B4GALNT4: variants seen among roughly 807,000 people sequenced by gnomAD.
B4GALNT4 encodes the protein beta-1,4-N-acetyl-galactosaminyltransferase 4.
In B4GALNT4, 77 loss-of-function variants were observed where a neutral mutation model predicts 110.0. The ratio of observed to expected loss-of-function variants is 0.70; its 90% CI spans 0.58 to 0.85. The LOEUF (loss-of-function observed/expected upper bound fraction) is 0.85. Ranked by LOEUF, B4GALNT4 falls within the 40% of genes least tolerant of loss-of-function variation. The pLI, the probability that B4GALNT4 is intolerant of heterozygous loss-of-function variation, is 0.00. For synonymous variants in B4GALNT4, 785 were observed against 655.5 expected, an observed-to-expected ratio of 1.20 and a Z score of -3.02; for missense variants, 1,575 against 1,506.0, an observed-to-expected ratio of 1.05 and a Z score of -0.76.
chr11:373,176 A>G lies in B4GALNT4; in HGVS notation c.536-15A>G. The G allele has an allele frequency of 6.2e-7, 1 of 1,612,270 alleles. No homozygotes were observed. The highest frequency in any genetic ancestry group is 8.5e-7 in the Non-Finnish European group (1 of 1,179,674). ...CGTGAGGCTCCACCCCCCTGAGCCT[A>G]GTCTTGTGGACTAGGAGACGTCCAG... On this transcript the variant is annotated splice_polypyrimidine_tract_variant and intron_variant, in intron 5 of 19. Coordinates refer to ENST00000329962, the MANE Select transcript of B4GALNT4 (RefSeq NM_178537.5).
chr11:380,439 C>T lies in B4GALNT4; in HGVS notation c.2863C>T (p.Pro955Ser), dbSNP rs1327683324. The change falls in exon 18 of 20, where the codon CCC becomes TCC. Residue 955 changes from proline (P) to serine (S), a missense_variant. Physicochemically the swap from Pro to Ser is moderately conservative, Grantham distance 74. Coordinates refer to ENST00000329962, the MANE Select transcript of B4GALNT4 (RefSeq NM_178537.5). ...GAGCTGCGGGAGCTCGCCCCGGGAC[C>T]CCCACGGTGAGGCCCCGAGCGTCCC... Reference protein sequence around the residue: ...RLSCGSSPRDPHGYWEVNGFG... With the variant: ...RLSCGSSPRDSHGYWEVNGFG... 6.3e-7 allele frequency: 1 copy of T among 1,598,810 alleles called. No individual in the cohort carries two copies. The highest frequency in any genetic ancestry group is 1.3e-5 in the African/African-American group (1 of 74,392).
In B4GALNT4 at chr11:373,419, C is replaced by CGCCGCCA. The variant is rs10624593; in HGVS notation, c.637-30_637-29insGCCGCCA. On this transcript the variant is annotated intron_variant, in intron 6 of 19. Coordinates refer to ENST00000329962, the MANE Select transcript of B4GALNT4 (RefSeq NM_178537.5). ...CAGGGAGAGAGTGAACCCCCCCCCC[C>CGCCGCCA]ACCACCACCCCTGCTCTATCACCCC... The CGCCGCCA allele has an allele frequency of 6.0e-5, 65 of 1,084,274 alleles. 4 individuals are homozygous for CGCCGCCA. Among genetic ancestry groups the CGCCGCCA allele is most frequent in the African/African-American group, 2.6e-4 (12 of 46,266 alleles). The allele number at this position is 1,084,274 out of a possible 1,614,324, so 67.2% of individuals were successfully genotyped here.
Position 376,767 on chromosome 11 carries a change from G to A in B4GALNT4, c.1644G>A (p.Pro548=). 3 of 1,385,150 alleles carry A rather than the reference G, an allele frequency of 2.2e-6. No homozygotes were observed. The highest frequency in any genetic ancestry group is 1.5e-5 in the South Asian group (1 of 67,378). 85.8% of individuals were successfully genotyped at this position (1,385,150 alleles called of 1,614,324 possible). A position where few individuals can be genotyped will look rare whatever the true frequency, so the allele number is the denominator to read the frequency against. The change falls in exon 14 of 20, where the codon CCG becomes CCA. Residue 548 remains proline (P), a synonymous_variant. Coordinates refer to ENST00000329962, the MANE Select transcript of B4GALNT4 (RefSeq NM_178537.5). ...PRAPAPRAPW[P]PFPGVFLHPR... The stretch of plus-strand genomic sequence containing the variant: ...CCCCAGCGCCGCGTGCGCCCTGGCC[G>A]CCCTTCCCTGGCGTCTTCCTGCACC...
rs1339593788 is a variant in B4GALNT4, at chr11:377,105, C to T, written c.1982C>T (p.Ser661Leu). The T allele has an allele frequency of 6.1e-6, 9 of 1,475,552 alleles. No individual in the cohort carries two copies. Among genetic ancestry groups the T allele is most frequent in the East Asian group, 2.7e-5 (1 of 37,402 alleles). The allele number at this position is 1,475,552 out of a possible 1,614,324, so 91.4% of individuals were successfully genotyped here. ...GGGGCCCCGGGCGACGAGGCCGCGT[C>T]GGAGGACAGCGAGGAGGCCGCGGGC... is the stretch of plus-strand genomic sequence containing the variant. Reference protein sequence around the residue: ...DDGAPGDEAASEDSEEAAGPA... With the variant: ...DDGAPGDEAALEDSEEAAGPA... The change falls in exon 14 of 20, where the codon TCG (serine) becomes TTG (leucine). Residue 661 changes from serine (S) to leucine (L), a missense_variant. Physicochemically the swap from Ser to Leu is moderately radical, Grantham distance 145. Transcript: ENST00000329962.
intron 8 of B4GALNT4, among the ~76,000 whole-genome samples, chr11:374,422 G>A (rs1023473697): frequency 2.6e-5 from 4 of 151,162 alleles, no homozygotes; most frequent in Non-Finnish European, 5.9e-5. Context: ...GGGGCAGCAC[G>A]ATGGTGCCTG....
At chr11:373,409 C>CG (rs764884791) in intron 6 of B4GALNT4, 40 bp from the exon 7 acceptor site, 44 of 70,904 alleles carry the variant, frequency 6.2e-4, no homozygotes, top group African/African-American at 3.1e-3. Flanking sequence ...AGAGAGTGAA[C>CG]CCCCCCCCCC....
In B4GALNT4 at chr11:379,591, G is replaced by C. The variant is rs778932374; in HGVS notation, c.2378G>C (p.Ser793Thr). ...GARVGDADGESPEPAPAASVR... is the reference protein window; with the variant it reads ...GARVGDADGETPEPAPAASVR... The stretch of plus-strand genomic sequence containing the variant: ...CGCGTAGGGGATGCAGACGGAGAAA[G>C]TCCCGAACCCGCTCCCGCCGCCTCC... The change falls in exon 15 of 20, where the codon AGT becomes ACT. Residue 793 changes from serine (S) to threonine (T), a missense_variant. By Grantham distance (58) the Ser-to-Thr change is moderately conservative. Transcript: ENST00000329962. 1.3e-6 allele frequency: 2 copies of C among 1,578,174 alleles called. No individual in the cohort carries two copies. The highest frequency in any genetic ancestry group is 1.7e-6 in the Non-Finnish European group (2 of 1,163,954).
chr11:375,847 C>T lies in B4GALNT4; in HGVS notation c.986C>T (p.Thr329Ile). ...RPDPRDTFFLTPRMESSSLEN... is the reference protein window; with the variant it reads ...RPDPRDTFFLIPRMESSSLEN... ...CACCCTGTGACCGCACCTCCTGCAGCTCCACGCATGGAATCTTCGAGCCTG... is the reference window on the plus strand; with the variant it reads ...CACCCTGTGACCGCACCTCCTGCAGTTCCACGCATGGAATCTTCGAGCCTG... The change falls in exon 11 of 20, where the codon ACT becomes ATT. Residue 329 changes from threonine (T) to isoleucine (I), a missense_variant and splice_region_variant. By Grantham distance (89) the Thr-to-Ile change is moderately conservative. Transcript: ENST00000329962. 2 of 1,609,122 alleles carry T rather than the reference C, an allele frequency of 1.2e-6. No homozygotes were observed. Among genetic ancestry groups the T allele is most frequent in the East Asian group, 2.2e-5 (1 of 44,704 alleles).
rs149848721 is a variant in B4GALNT4 at position 375,721 on chromosome 11, G to A, written c.933G>A (p.Glu311=). 4 of 1,595,902 alleles carry A rather than the reference G, an allele frequency of 2.5e-6. No homozygotes were observed. The African/African-American group carries it at 4.0e-5, about 16-fold the overall frequency. The change falls in exon 10 of 20, where the codon GAG becomes GAA. Residue 311 remains glutamate, a synonymous_variant. Transcript: ENST00000329962. ...ASHVGGRPPQ[E]ETSADMLRPD... is the part of the protein sequence containing the mutation. ...ACGTGGGGGGGCGTCCGCCGCAGGA[G>A]GAGACCAGCGCAGACATGCTGCGGC...
In B4GALNT4 at chr11:380,444, C is replaced by G. The variant is rs767133849; in HGVS notation, c.2868C>G (p.His956Gln). 1.3e-6 allele frequency: 2 copies of G among 1,594,774 alleles called. No homozygotes were observed. Among genetic ancestry groups the G allele is most frequent in the African/African-American group, 2.7e-5 (2 of 74,230 alleles). Residue 956 changes from histidine (H) to glutamine (Q), a missense_variant and splice_region_variant, in exon 18 of 20, where the codon CAC becomes CAG. By Grantham distance (24) the His-to-Gln change is conservative (BLOSUM62 0). Transcript: ENST00000329962. Reference protein sequence around the residue: ...LSCGSSPRDPHGYWEVNGFGL... With the variant: ...LSCGSSPRDPQGYWEVNGFGL... ...GCGGGAGCTCGCCCCGGGACCCCCA[C>G]GGTGAGGCCCCGAGCGTCCCACCCT...
In B4GALNT4 at chr11:379,967, G is replaced by T; in HGVS notation, c.2590G>T (p.Glu864Ter). The change falls in exon 16 of 20, where the codon GAG (glutamate) becomes TAG (stop). Residue 864 changes from glutamate to a stop codon, truncating the protein, a stop_gained. Transcript: ENST00000329962. LOFTEE classifies it high-confidence loss of function. ...SRFSVVLVDF[E>*]SEDMDVERAL... Reference sequence around the variant, plus strand: ...TTTCAGCGTCGTCCTGGTGGATTTCGAGAGCGAGGATATGGACGTGGAGCG... The same window carrying T: ...TTTCAGCGTCGTCCTGGTGGATTTCTAGAGCGAGGATATGGACGTGGAGCG... 6.2e-7 allele frequency: 1 copy of T among 1,612,848 alleles called. No individual in the cohort carries two copies. Among genetic ancestry groups the T allele is most frequent in the Non-Finnish European group, 8.5e-7 (1 of 1,179,870 alleles).
intron 19 of B4GALNT4, chr11:381,228 T>C: frequency 1.3e-6 from 1 of 789,326 alleles, no homozygotes; most frequent in African/African-American, 1.9e-5. Context: ...GTCCCCATCA[T>C]CCCACTGGGG....
chr11:372,963 G>A lies in B4GALNT4; in HGVS notation c.444+16G>A, dbSNP rs1156697838. ...GTTCCCTCATGTGAGTGCCGGGGTT[G>A]GGGGGTGCCGGGTGGGCAGGGCACG... On this transcript the variant is annotated intron_variant, in intron 4 of 19. Coordinates refer to ENST00000329962, the MANE Select transcript of B4GALNT4 (RefSeq NM_178537.5). 2 of 1,612,208 alleles carry A rather than the reference G, an allele frequency of 1.2e-6. No homozygotes were observed. The highest frequency in any genetic ancestry group is 1.1e-5 in the South Asian group (1 of 91,062).
chr11:376,039 C>G, intron 11 of B4GALNT4, 35 bp from the exon 12 acceptor site: 1 of 1,601,676 alleles, frequency 6.2e-7, no homozygotes, highest in Non-Finnish European at 8.5e-7. Context: ...CCCGGGAGGT[C>G]CGCGCCCTGA....
intron 2 of B4GALNT4, 68 bp downstream of exon 2, chr11:372,280 G>A (rs952573632): frequency 1.4e-6 from 2 of 1,426,532 alleles, no homozygotes; most frequent in Non-Finnish European, 1.9e-6. Context: ...GTGTGTTGGT[G>A]TCTTGAGAAC....
At chr11:375,988 C>A in intron 11 of B4GALNT4, 32 bp downstream of exon 11, 1 of 1,605,548 alleles carries the variant, frequency 6.2e-7, no homozygotes, top group South Asian at 1.1e-5. Flanking sequence ...GTCTCCCGTC[C>A]GGGACTCCGC....
chr11:371,760 G>A (rs1846622209), intron 1 of B4GALNT4, among the ~76,000 whole-genome samples: 1 of 152,232 alleles, frequency 6.6e-6, no homozygotes, highest in African/African-American at 2.4e-5. Context: ...TGGAGGCAGA[G>A]CCACTCAACA....
intron 14 of B4GALNT4, 124 bp downstream of exon 14, chr11:377,451 G>GAA: frequency 9.0e-7 from 1 of 1,107,730 alleles, no homozygotes; most frequent in Non-Finnish European, 1.2e-6. Flanking sequence ...CCGGCCTGGG[G>GAA]GCTGAGGCAC....
intron 14 of B4GALNT4, among the ~76,000 whole-genome samples, chr11:377,973 T>A (rs2133577009): frequency 6.6e-6 from 1 of 152,284 alleles, no homozygotes. Context: ...GTGCCCAGCC[T>A]TGAAGGCGAG....
Sources: allele counts gnomAD v4.1 joint callset (sites outside exome capture counted in the v4.1 genomes callset), GRCh38; gene constraint gnomAD v4.1.1; transcripts MANE v1.5; gene names NCBI Gene and HGNC (gene_info 2026-07-23, HGNC 2026-07-21).